MYL12B: variants seen among roughly 807,000 people sequenced by gnomAD.
MYL12B encodes myosin regulatory light chain 12B.
A neutral mutation model predicts 12.9 loss-of-function variants in MYL12B; 3 were observed. The observed-to-expected ratio is 0.23, with a 90% CI of 0.11 to 0.60. MYL12B has a LOEUF of 0.60. Among genes scored for constraint, MYL12B ranks in the 20% least tolerant of loss-of-function variants. MYL12B has a pLI of 0.89. For missense variants in MYL12B, 120 were observed against 215.4 expected, an observed-to-expected ratio of 0.56 and a Z score of 2.77; for synonymous variants, 57 against 71.9, an observed-to-expected ratio of 0.79 and a Z score of 1.05.
rs1010458089 is a variant in MYL12B at position 3,278,196 on chromosome 18, G to A, written c.*259G>A. 6.4e-6 allele frequency: 2 copies of A among 313,798 alleles called. No homozygotes were observed. Among genetic ancestry groups the A allele is most frequent in the Non-Finnish European group, 1.2e-5 (2 of 172,186 alleles). 19.4% of individuals were successfully genotyped at this position (313,798 alleles called of 1,614,324 possible). ...TGTGAAAGCCCAGAAAAATATATTC[G>A]TATTTCTGGTTTTGCTGGATTTTTA... On this transcript the variant is annotated 3_prime_UTR_variant, in exon 4 of 4. Transcript: ENST00000237500.
At chr18:3,277,012 A>G (rs1442180928) in intron 2 of MYL12B, 3 of 982,902 alleles carry the variant, frequency 3.1e-6, no homozygotes, top group Admixed American at 6.1e-5. Context: ...TAATGAACAG[A>G]AAGTTCACAT....
intron 2 of MYL12B, among the ~76,000 whole-genome samples, chr18:3,275,821 G>A (rs1372805552): frequency 1.3e-5 from 2 of 152,134 alleles, no homozygotes; most frequent in Admixed American, 6.5e-5. Flanking sequence ...TCTGGAGGTA[G>A]AAAAGTAGAT....
chr18:3,264,463 A>G (rs6506092), intron 1 of MYL12B, among the ~76,000 whole-genome samples: 147,916 of 152,256 alleles, frequency 0.97, 71,923 homozygotes, highest in African/African-American at 1. Flanking sequence ...TAATGCTTTG[A>G]GAAGCCAATG....
At chr18:3,268,348 G>A (rs1441965721) in intron 1 of MYL12B, among the ~76,000 whole-genome samples, 1 of 152,104 alleles carries the variant, frequency 6.6e-6, no homozygotes, top group Non-Finnish European at 1.5e-5. Context: ...GTTCTGTATG[G>A]CTATTTTCTG....
intron 1 of MYL12B, among the ~76,000 whole-genome samples, chr18:3,271,546 C>T (rs1348563730): frequency 1.3e-5 from 2 of 152,122 alleles, no homozygotes; most frequent in African/African-American, 4.8e-5. Flanking sequence ...CAGGAAGTTA[C>T]GGAAACAGTC....
intron 2 of MYL12B, chr18:3,276,440 G>A (rs2081732244): frequency 2.0e-6 from 2 of 984,584 alleles, no homozygotes; most frequent in African/African-American, 1.8e-5. Context: ...CCTCACCACT[G>A]CACTAAAAGA....
Position 3,277,835 on chromosome 18 carries a change from G to A in MYL12B, c.417G>A (p.Val139=), listed in dbSNP as rs930395636. 6.2e-7 allele frequency: 1 copy of A among 1,613,900 alleles called. No homozygotes were observed. The highest frequency in any genetic ancestry group is 1.1e-5 in the South Asian group (1 of 91,078). The change falls in exon 4 of 4, where the codon GTG becomes GTA. Residue 139 remains valine, a synonymous_variant. Coordinates refer to ENST00000237500, the MANE Select transcript of MYL12B (RefSeq NM_033546.4). The stretch of plus-strand genomic sequence containing the variant: ...GGGATCGGTTTACAGATGAGGAAGT[G>A]GATGAGCTGTACAGAGAAGCACCTA... The part of the protein sequence containing the change: ...TMGDRFTDEE[V]DELYREAPID...
chr18:3,272,920 A>C lies in MYL12B; in HGVS notation c.22A>C (p.Thr8Pro), dbSNP rs777799038. ...CACCATGTCGAGCAAAAAGGCAAAG[A>C]CCAAGACCACCAAGAAGCGCCCTCA... Reference protein sequence around the residue: MSSKKAKTKTTKKRPQRA... With the variant: MSSKKAKPKTTKKRPQRA... Residue 8 changes from threonine to proline, a missense_variant, in exon 2 of 4, where the codon ACC becomes CCC. Physicochemically the swap from Thr to Pro is conservative, Grantham distance 38 (BLOSUM62 -1). Transcript: ENST00000237500. 2.5e-6 allele frequency: 4 copies of C among 1,609,816 alleles called. No homozygotes were observed. The African/African-American group carries it at 5.4e-5, about 22-fold the overall frequency.
chr18:3,273,176 C>A, intron 2 of MYL12B, 94 bp downstream of exon 2: 1 of 1,373,312 alleles, frequency 7.3e-7, no homozygotes, highest in Non-Finnish European at 9.8e-7. Context: ...TATTTCTCTC[C>A]TTGTCTCAAA....
chr18:3,276,346 C>T, intron 2 of MYL12B: 1 of 778,748 alleles, frequency 1.3e-6, no homozygotes, highest in Non-Finnish European at 1.6e-6. Context: ...TTTCCCACAC[C>T]ACGGGGCCTC....
At chr18:3,268,862 ATT>A (rs2081654942) in intron 1 of MYL12B, among the ~76,000 whole-genome samples, 1 of 152,136 alleles carries the variant, frequency 6.6e-6, no homozygotes, top group Admixed American at 6.5e-5. Context: ...CAGTTTCTTC[ATT>A]TGGCAGGTGG....
At chr18:3,271,932 C>T (rs904710442) in intron 1 of MYL12B, 3 of 311,338 alleles carry the variant, frequency 9.6e-6, no homozygotes, top group Middle Eastern at 1.6e-3. Context: ...GGGCTGGGCA[C>T]GGTGGCTCAT....
chr18:3,272,112 C>G, intron 1 of MYL12B: 7 of 985,114 alleles, frequency 7.1e-6, no homozygotes, highest in Non-Finnish European at 8.4e-6. Flanking sequence ...AAGGGAAATG[C>G]AGGGATAGCT....
Position 3,277,443 on chromosome 18 carries a change from C to T in MYL12B, c.346+29C>T, listed in dbSNP as rs1426910626. The T allele has an allele frequency of 3.1e-6, 5 of 1,610,928 alleles. No homozygotes were observed. The South Asian group carries it at 4.4e-5, about 14-fold the overall frequency. ...AGTGCTATTTGTTTATGCCCAGCCTCATTCCACACTATATAAAGTACTTCT... is the reference window on the plus strand; with the variant it reads ...AGTGCTATTTGTTTATGCCCAGCCTTATTCCACACTATATAAAGTACTTCT... On this transcript the variant is annotated intron_variant, in intron 3 of 3. Coordinates refer to ENST00000237500, the MANE Select transcript of MYL12B (RefSeq NM_033546.4).
At chr18:3,276,382 A>G (rs1011179669) in intron 2 of MYL12B, 7 of 981,364 alleles carry the variant, frequency 7.1e-6, no homozygotes, top group Non-Finnish European at 8.5e-6. Context: ...ATGTCTGGCC[A>G]TTCCAGGGAG....
intron 1 of MYL12B, among the ~76,000 whole-genome samples, chr18:3,264,164 G>A (rs761102266): frequency 6.6e-6 from 1 of 152,110 alleles, no homozygotes; most frequent in Non-Finnish European, 1.5e-5. Flanking sequence ...TAGGTAGACC[G>A]TAGAGAAAAG....
chr18:3,273,741 C>G (rs547009835), intron 2 of MYL12B, among the ~76,000 whole-genome samples: 39 of 151,988 alleles, frequency 2.6e-4, no homozygotes, highest in Non-Finnish European at 3.5e-4. Context: ...TAGGCCAAAG[C>G]GGAGGGGGTG....
At chr18:3,263,172 C>G (rs1360513193) in intron 1 of MYL12B, 1 of 152,172 alleles carries the variant, frequency 6.6e-6, no homozygotes, top group Admixed American at 6.5e-5. Context: ...GTCTTGAAAA[C>G]TTAGGAGAAA....
At chr18:3,262,786 C>T (rs35012773) in intron 1 of MYL12B, 87,641 of 152,362 alleles carry the variant, frequency 0.58, 28,333 homozygotes, top group Non-Finnish European at 0.72. Context: ...CATTAGCATG[C>T]CGGTAACCGA....
Sources: gnomAD v4.1 joint callset for allele counts (sites outside exome capture counted in the v4.1 genomes callset) on GRCh38, gnomAD v4.1.1 for gene constraint, MANE v1.5 for transcripts, NCBI Gene and HGNC (gene_info 2026-07-23, HGNC 2026-07-21) for gene names.